TMEM120B: variants seen among roughly 807,000 people sequenced by gnomAD.
TMEM120B encodes the protein transmembrane protein 120B.
A neutral mutation model predicts 55.5 loss-of-function variants in TMEM120B; 31 were observed. The ratio of observed to expected loss-of-function variants is 0.56; its 90% confidence interval spans 0.42 to 0.75. TMEM120B has a LOEUF of 0.75. Ranked by LOEUF, TMEM120B falls within the 30% of genes least tolerant of loss-of-function variation. The probability of loss-of-function intolerance (pLI) is 0.00; values close to 1 mark genes in which losing one functional copy is unlikely to be tolerated. For synonymous variants in TMEM120B, 203 were observed against 176.3 expected (o/e 1.15, Z -1.20); for missense variants, 399 against 425.5 (o/e 0.94, Z 0.55).
intron 6 of TMEM120B, among the ~76,000 whole-genome samples, chr12:121,765,986 C>T (rs957942290): frequency 1.3e-4 from 20 of 152,222 alleles, no homozygotes; most frequent in Admixed American, 9.8e-4. Context: ...TGGTGCGCGC[C>T]GTCAACACCC....
chr12:121,780,420 A>T lies in TMEM120B; in HGVS notation c.*4698A>T, dbSNP rs887900553. 7 of 222,334 alleles carry T rather than the reference A, an allele frequency of 3.1e-5. No individual in the cohort carries two copies. The highest frequency in any genetic ancestry group is 6.2e-5 in the Non-Finnish European group (7 of 112,426). 13.8% of individuals were successfully genotyped at this position (222,334 alleles called of 1,614,324 possible). On this transcript the variant is annotated 3_prime_UTR_variant, in exon 12 of 12. Coordinates refer to ENST00000449592, the MANE Select transcript of TMEM120B (RefSeq NM_001080825.2). ...TTCTTTTTGCCTTTGCATTCCTTTT[A>T]TTCTGTTTATTCCCCCATGCCTCAC...
At chr12:121,716,309 C>CT (rs1894701531) in intron 1 of TMEM120B, among the ~76,000 whole-genome samples, 1 of 120,808 alleles carries the variant, frequency 8.3e-6, no homozygotes, top group Non-Finnish European at 1.8e-5. Context: ...CCCTCTCTCT[C>CT]AAAAAAAAAA....
chr12:121,759,748 C>A (rs796126025), intron 5 of TMEM120B, among the ~76,000 whole-genome samples: 7 of 151,930 alleles, frequency 4.6e-5, no homozygotes, highest in African/African-American at 1.7e-4. Context: ...GTAATGCCAG[C>A]ACTTTTGGGA....
At chr12:121,746,786 C>T (rs1385758128) in intron 2 of TMEM120B, among the ~76,000 whole-genome samples, 5 of 151,930 alleles carry the variant, frequency 3.3e-5, no homozygotes, top group African/African-American at 1.2e-4. Context: ...AACCCCATCT[C>T]TTCTAAAAAT....
chr12:121,716,561 C>CTTT (rs1894706626), intron 1 of TMEM120B, among the ~76,000 whole-genome samples: 1 of 61,256 alleles, frequency 1.6e-5, no homozygotes. Flanking sequence ...CTTTTTTTTT[C>CTTT]TTTCTTTTTT....
rs772809115 is a variant in TMEM120B at position 121,775,996 on chromosome 12, TC to T, written c.*276del. 2.2e-5 allele frequency: 13 copies of T among 593,098 alleles called. No homozygotes were observed. The highest frequency in any genetic ancestry group is 8.4e-5 in the East Asian group (3 of 35,726). 36.7% of individuals were successfully genotyped at this position (593,098 alleles called of 1,614,324 possible). On this transcript the variant is annotated 3_prime_UTR_variant, in exon 12 of 12. Coordinates refer to ENST00000449592, the MANE Select transcript of TMEM120B (RefSeq NM_001080825.2). The surrounding 1 kb of genome is among the most constrained non-coding windows in gnomAD (Gnocchi z 4.3). ...AAGGTGGCTGAGGCCGGGCCAGTCT[TC>T]CTGGGGATGGGGCCTGAAGCCTCAG...
intron 6 of TMEM120B, among the ~76,000 whole-genome samples, chr12:121,769,948 G>A (rs1311025482): frequency 1.3e-5 from 2 of 152,084 alleles, no homozygotes; most frequent in African/African-American, 4.8e-5. Context: ...ATCCGAGTGG[G>A]GCCATCAGGC....
chr12:121,715,376 GTGCAATTAA>G (rs1258993042), intron 1 of TMEM120B, among the ~76,000 whole-genome samples: 1 of 152,194 alleles, frequency 6.6e-6, no homozygotes, highest in Non-Finnish European at 1.5e-5. Flanking sequence ...CTTAAGAGCT[GTGCAATTAA>G]TGCAATTAAC....
chr12:121,748,521 T>C, intron 3 of TMEM120B, 79 bp downstream of exon 3: 1 of 914,162 alleles, frequency 1.1e-6, no homozygotes, highest in South Asian at 1.7e-5. Context: ...AACTCTCGCC[T>C]TCCTGCTGGT....
chr12:121,763,947 G>GC (rs1873764097), intron 6 of TMEM120B, among the ~76,000 whole-genome samples: 1 of 152,100 alleles, frequency 6.6e-6, no homozygotes, highest in Non-Finnish European at 1.5e-5. Context: ...GGTAAGGAGA[G>GC]CCCCCCTCCT....
intron 4 of TMEM120B, 35 bp downstream of exon 4, chr12:121,750,474 CT>C: frequency 6.3e-7 from 1 of 1,576,806 alleles, no homozygotes; most frequent in Non-Finnish European, 8.7e-7. Context: ...AGACCCACAC[CT>C]CACACCGCCC....
chr12:121,751,332 A>C (rs1207422093), intron 4 of TMEM120B, among the ~76,000 whole-genome samples: 24 of 19,772 alleles, frequency 1.2e-3, no homozygotes, highest in East Asian at 4.0e-3. Flanking sequence ...CACCCACACC[A>C]CACACCCCAC....
intron 1 of TMEM120B, among the ~76,000 whole-genome samples, chr12:121,724,219 A>G (rs1894847803): frequency 6.6e-6 from 1 of 151,732 alleles, no homozygotes; most frequent in Admixed American, 6.6e-5. Context: ...TTGTATTTTT[A>G]GTAGAGACGG....
rs912742786 is a variant in TMEM120B, at chr12:121,759,036, CA to C, written c.462-2610del. The C allele has an allele frequency of 1.7e-5, 17 of 984,554 alleles. No individual in the cohort carries two copies. The Admixed American group carries it at 2.5e-4, about 14-fold the overall frequency. 61.0% of individuals were successfully genotyped at this position (984,554 alleles called of 1,614,324 possible). On this transcript the variant is annotated intron_variant, in intron 5 of 11. Coordinates refer to ENST00000449592, the MANE Select transcript of TMEM120B (RefSeq NM_001080825.2). ...CACTGGGATTTTTTTATATATGTAA[CA>C]AAGTTTACAGATGGTTTAAGGGGAC...
rs766057603 is a variant in TMEM120B, at chr12:121,780,989, C to G, written c.*5267C>G. ...CCATGGGGATCCCGCGGCAGAAATG[C>G]GTGACCTCAGGGAACCACTGTGGAG... On this transcript the variant is annotated 3_prime_UTR_variant, in exon 12 of 12. Transcript: ENST00000449592. The G allele has an allele frequency of 1.2e-6, 2 of 1,613,600 alleles. No homozygotes were observed. Among genetic ancestry groups the G allele is most frequent in the Non-Finnish European group, 1.7e-6 (2 of 1,179,692 alleles).
At chr12:121,764,653 C>T (rs1430836909) in intron 6 of TMEM120B, among the ~76,000 whole-genome samples, 1 of 141,486 alleles carries the variant, frequency 7.1e-6, no homozygotes, top group Non-Finnish European at 1.5e-5. Context: ...GACCCTGACT[C>T]AAAAAAAAAA....
chr12:121,717,602 G>A (rs1041892358), intron 1 of TMEM120B, among the ~76,000 whole-genome samples: 1 of 152,138 alleles, frequency 6.6e-6, no homozygotes, highest in East Asian at 1.9e-4. Flanking sequence ...GCTCATCTGT[G>A]CCCTGAGTAC....
chr12:121,739,960 G>C (rs1047466766), intron 1 of TMEM120B, among the ~76,000 whole-genome samples: 1 of 151,682 alleles, frequency 6.6e-6, no homozygotes, highest in Non-Finnish European at 1.5e-5. Flanking sequence ...TGTGTTTTTA[G>C]TAGAGATGGG....
intron 1 of TMEM120B, among the ~76,000 whole-genome samples, chr12:121,721,814 T>TTTTTTTC (rs1566505750): frequency 8.2e-5 from 11 of 134,558 alleles, no homozygotes; most frequent in South Asian, 4.8e-4. Context: ...CTTTTTTTTT[T>TTTTTTTC]TTTTTTTTTT....
Sources: gnomAD v4.1 joint callset for allele counts (sites outside exome capture counted in the v4.1 genomes callset) on GRCh38, gnomAD v4.1.1 for gene constraint, Gnocchi (gnomAD v3.1) non-coding constraint, MANE v1.5 for transcripts, NCBI Gene and HGNC (gene_info 2026-07-23, HGNC 2026-07-21) for gene names.